The following MTARC1 variants were observed in gnomAD, a reference collection of about 807,000 sequenced individuals.
The protein encoded by MTARC1 is mitochondrial amidoxime-reducing component 1.
A neutral mutation model predicts 33.6 loss-of-function variants in MTARC1; 24 were observed. That is an observed-to-expected ratio of 0.72 (90% confidence interval 0.52 to 1.01). The LOEUF (loss-of-function observed/expected upper bound fraction) is 1.01. MTARC1 is among the 50% of genes least tolerant of loss of function. The pLI is 0.00. For synonymous variants in MTARC1, 187 were observed against 189.5 expected (o/e 0.99, Z 0.11); for missense variants, 417 against 445.7 (o/e 0.94, Z 0.58).
chr1:220,818,688 T>C lies in MTARC1; in HGVS notation c.*5270T>C, dbSNP rs545430191. 3.1e-4 allele frequency: 47 copies of C among 152,342 alleles called. No homozygotes were observed. Among genetic ancestry groups the C allele is most frequent in the African/African-American group, 1.1e-3 (46 of 41,590 alleles). The allele number at this position is 152,342 out of a possible 1,614,324, so 9.4% of individuals were successfully genotyped here. ...GTGGGAACTAAGTTAAGTCTAACTTTTGTCTCCCTCTTTAGAATTTACTGG... is the reference window on the plus strand; with the variant it reads ...GTGGGAACTAAGTTAAGTCTAACTTCTGTCTCCCTCTTTAGAATTTACTGG... On this transcript the variant is annotated 3_prime_UTR_variant, in exon 7 of 7. Transcript: ENST00000366910.
chr1:220,807,339 T>C (rs1673000490), intron 6 of MTARC1, among the ~76,000 whole-genome samples: 1 of 152,118 alleles, frequency 6.6e-6, no homozygotes, highest in African/African-American at 2.4e-5. Flanking sequence ...TCCCAGCACT[T>C]TGGGAGGCTG....
chr1:220,788,987 G>A (rs1447757276), intron 1 of MTARC1, among the ~76,000 whole-genome samples: 2 of 151,972 alleles, frequency 1.3e-5, no homozygotes, highest in Admixed American at 1.3e-4. Flanking sequence ...CTTTATTTTC[G>A]TTCATCACAC....
rs1672305610 is a variant in MTARC1, at chr1:220,788,241, G to T, written c.275+1022G>T. ...CGTGGATTCCTGGGGTTCAGCGAAG[G>T]CTGCAAAACCCGGGAGCCGGCAGCT... On this transcript the variant is annotated intron_variant, in intron 1 of 6. Coordinates refer to ENST00000366910, the MANE Select transcript of MTARC1 (RefSeq NM_022746.4). Among the ~76,000 whole-genome samples the T allele has an allele frequency of 2.0e-5, 3 of 152,132 alleles. No homozygotes were observed. In the South Asian group the frequency reaches 6.2e-4, roughly 31 times the overall value.
chr1:220,787,202 C>T lies in MTARC1; in HGVS notation c.258C>T (p.Ser86=). 1.3e-6 allele frequency: 2 copies of T among 1,572,956 alleles called. No homozygotes were observed. Among genetic ancestry groups the T allele is most frequent in the Non-Finnish European group, 1.7e-6 (2 of 1,160,516 alleles). Residue 86 remains serine, a synonymous_variant, in exon 1 of 7, where the codon AGC becomes AGT. Coordinates refer to ENST00000366910, the MANE Select transcript of MTARC1 (RefSeq NM_022746.4). ...AGTGCACGGCCATGGGGCTGCGCAG[C>T]GGCAACCTGCGGGACAGGTACGGCC... The part of the protein sequence containing the change: ...EAECTAMGLR[S]GNLRDRFWLV...
At chr1:220,787,291 G>C in intron 1 of MTARC1, 72 bp downstream of exon 1, 1 of 1,460,460 alleles carries the variant, frequency 6.8e-7, no homozygotes, top group Non-Finnish European at 9.0e-7. Context: ...GAGGAGCGCA[G>C]GGGAGGTCTG....
Position 220,798,971 on chromosome 1 carries a change from G to A in MTARC1, c.753+957G>A, listed in dbSNP as rs115385832. ...GAATTTGATTCCCACATTCAAACCA[G>A]AAGATGTGACGGCTGGTTTCAGCTT... On this transcript the variant is annotated intron_variant, in intron 4 of 6. Coordinates refer to ENST00000366910, the MANE Select transcript of MTARC1 (RefSeq NM_022746.4). 1.4e-3 allele frequency: 1,369 copies of A among 985,422 alleles called. 4 individuals are homozygous for A. The highest frequency in any genetic ancestry group is 0.011 in the African/African-American group (617 of 57,346). 61.0% of individuals were successfully genotyped at this position (985,422 alleles called of 1,614,324 possible).
chr1:220,805,071 T>C lies in MTARC1; in HGVS notation c.773T>C (p.Leu258Pro), dbSNP rs746029777. 6.2e-7 allele frequency: 1 copy of C among 1,614,128 alleles called. No individual in the cohort carries two copies. The highest frequency in any genetic ancestry group is 1.3e-5 in the African/African-American group (1 of 75,028). The change falls in exon 5 of 7, where the codon CTT becomes CCT. Residue 258 changes from leucine (L) to proline (P), a missense_variant. Leu to Pro is a moderately conservative substitution (Grantham distance 98, BLOSUM62 -3). Transcript: ENST00000366910. ...CCCTAGGATTCTTGGGATGAGCTTCTTATTGGTGACGTGGAACTGAAAAGG... is the reference window on the plus strand; with the variant it reads ...CCCTAGGATTCTTGGGATGAGCTTCCTATTGGTGACGTGGAACTGAAAAGG... Reference protein sequence around the residue: ...VYAEDSWDELLIGDVELKRVM... With the variant: ...VYAEDSWDELPIGDVELKRVM...
chr1:220,796,886 G>A (rs1301020594), intron 3 of MTARC1, 81 bp downstream of exon 3: 13 of 1,431,428 alleles, frequency 9.1e-6, no homozygotes, highest in African/African-American at 6.0e-5. Flanking sequence ...TGATGACCTC[G>A]GCTCTGTTGT....
intron 4 of MTARC1, among the ~76,000 whole-genome samples, chr1:220,802,176 G>A (rs1204255272): frequency 1.3e-5 from 2 of 151,878 alleles, no homozygotes; most frequent in South Asian, 2.1e-4. Context: ...CTGCAGCATC[G>A]CCCTCTGTCA....
chr1:220,797,773 G>T, intron 3 of MTARC1, 101 bp from the exon 4 acceptor site: 4 of 1,048,294 alleles, frequency 3.8e-6, no homozygotes, highest in East Asian at 2.4e-5. Flanking sequence ...ATTGTGTGTG[G>T]GGTGGGGTGG....
At chr1:220,794,538 C>CT (rs59339230) in intron 2 of MTARC1, among the ~76,000 whole-genome samples, 27,080 of 145,946 alleles carry the variant, frequency 0.19, 2,969 homozygotes, top group Admixed American at 0.38. Context: ...ACGATAGGAT[C>CT]TTTTTTTTTT....
intron 2 of MTARC1, 113 bp downstream of exon 2, chr1:220,791,777 G>A (rs1558084246): frequency 6.8e-6 from 8 of 1,169,148 alleles, no homozygotes; most frequent in East Asian, 2.5e-5. Flanking sequence ...ACCGTTGATT[G>A]CATGTGTACC....
chr1:220,811,909 G>C (rs1031992666), intron 6 of MTARC1, among the ~76,000 whole-genome samples: 1 of 152,224 alleles, frequency 6.6e-6, no homozygotes, highest in African/African-American at 2.4e-5. Context: ...GGCGTGAGCA[G>C]TACAAGGGCA....
intron 4 of MTARC1, chr1:220,799,158 G>A (rs1243684574): frequency 8.1e-6 from 8 of 985,200 alleles, no homozygotes; most frequent in Admixed American, 1.2e-4. Context: ...AATATCAATC[G>A]ATGGAGGATA....
Position 220,818,255 on chromosome 1 carries a change from C to T in MTARC1, c.*4837C>T, listed in dbSNP as rs1558098273. On this transcript the variant is annotated 3_prime_UTR_variant, in exon 7 of 7. Coordinates refer to ENST00000366910, the MANE Select transcript of MTARC1 (RefSeq NM_022746.4). Reference sequence around the variant, plus strand: ...ACTATAACTCTGCTCTTCCTCCAAACACAGCTGAGGAATTGGGTGGTGGGG... The same window carrying T: ...ACTATAACTCTGCTCTTCCTCCAAATACAGCTGAGGAATTGGGTGGTGGGG... The T allele has an allele frequency of 6.6e-6, 1 of 152,268 alleles. No homozygotes were observed. Among genetic ancestry groups the T allele is most frequent in the Non-Finnish European group, 1.5e-5 (1 of 68,088 alleles). The allele number at this position is 152,268 out of a possible 1,614,324, so 9.4% of individuals were successfully genotyped here. A position where few individuals can be genotyped will look rare whatever the true frequency, so the allele number is the denominator to read the frequency against.
In MTARC1 at chr1:220,815,143, G is replaced by A. The variant is rs1017999401; in HGVS notation, c.*1725G>A. 2 of 152,270 alleles carry A rather than the reference G, an allele frequency of 1.3e-5. No individual in the cohort carries two copies. The highest frequency in any genetic ancestry group is 2.9e-5 in the Non-Finnish European group (2 of 68,046). The allele number at this position is 152,270 out of a possible 1,614,324, so 9.4% of individuals were successfully genotyped here. A position where few individuals can be genotyped will look rare whatever the true frequency, so the allele number is the denominator to read the frequency against. ...AAGTCCAGTTGATGTTGAAACTACA[G>A]ATAGATTGAGACAAAGCGAAGTGTT... On this transcript the variant is annotated 3_prime_UTR_variant, in exon 7 of 7. Coordinates refer to ENST00000366910, the MANE Select transcript of MTARC1 (RefSeq NM_022746.4).
intron 2 of MTARC1, chr1:220,793,230 C>T (rs1397923537): frequency 6.6e-6 from 1 of 152,128 alleles, no homozygotes; most frequent in Admixed American, 6.5e-5. Context: ...ACTTATATTG[C>T]AATCTGTATT....
At position 220,787,161 on chromosome 1, in the gene MTARC1, C is replaced by T. The variant is rs1284276924; in HGVS notation, c.217C>T (p.Pro73Ser). The T allele has an allele frequency of 6.3e-7, 1 of 1,578,156 alleles. No individual in the cohort carries two copies. Among genetic ancestry groups the T allele is most frequent in the South Asian group, 1.2e-5 (1 of 86,362 alleles). The change falls in exon 1 of 7, where the codon CCG becomes TCG. Residue 73 changes from proline to serine, a missense_variant. Transcript: ENST00000366910. Reference protein sequence around the residue: ...IYPVKSCKGVPVSEAECTAMG... With the variant: ...IYPVKSCKGVSVSEAECTAMG... ...CCCTGTGAAATCCTGCAAGGGGGTG[C>T]CGGTGAGCGAGGCGGAGTGCACGGC... is the stretch of plus-strand genomic sequence containing the variant.
chr1:220,798,436 G>C (rs369288684), intron 4 of MTARC1: 2 of 985,270 alleles, frequency 2.0e-6, no homozygotes, highest in East Asian at 2.3e-4. Context: ...GCTGGGTGAG[G>C]GTTGGGAGAG....
Sources: gnomAD v4.1 joint callset for allele counts (sites outside exome capture counted in the v4.1 genomes callset) on GRCh38, gnomAD v4.1.1 for gene constraint, MANE v1.5 for transcripts, NCBI Gene and HGNC (gene_info 2026-07-23, HGNC 2026-07-21) for gene names.